Variants in TTC28 observed in about 807,000 individuals in gnomAD.
TTC28 encodes tetratricopeptide repeat protein 28.
TTC28 carries 61 observed loss-of-function variants against 198.0 expected under a neutral mutation model. That is an observed-to-expected ratio of 0.31 (90% CI 0.25 to 0.38). The LOEUF is 0.38. Among genes scored for constraint, TTC28 ranks in the 10% least tolerant of loss-of-function variants. TTC28 has a pLI of 1.00. For missense variants in TTC28, 2,678 were observed against 3,164.0 expected (o/e 0.85, Z 3.69); for synonymous variants, 1,171 against 1,297.8 (o/e 0.90, Z 2.10).
intron 13 of TTC28, among the ~76,000 whole-genome samples, chr22:28,020,055 G>A (rs1938529241): frequency 6.6e-6 from 1 of 152,218 alleles, no homozygotes; most frequent in African/African-American, 2.4e-5. Context: ...AAGCCACCAG[G>A]CTGGTAGGGC....
intron 12 of TTC28, among the ~76,000 whole-genome samples, chr22:28,067,926 C>T (rs1202392315): frequency 6.6e-6 from 1 of 152,174 alleles, no homozygotes; most frequent in Non-Finnish European, 1.5e-5. Flanking sequence ...CTGGAATCTA[C>T]GTGCCTAAGC....
chr22:28,296,271 T>C lies in TTC28; in HGVS notation c.860A>G (p.Lys287Arg), dbSNP rs181453650. The C allele has an allele frequency of 1.2e-5, 18 of 1,551,144 alleles. No homozygotes were observed. The East Asian group carries it at 3.4e-4, about 29-fold the overall frequency. ...AGTGAGAGCCTCCCGGTAATTTCCT[T>C]TGGAGAAGAATGCAGAGCCCAGATT... ...HGNLGSAFFS[K>R]GNYREALTNH... is the part of the protein sequence containing the mutation. The change falls in exon 5 of 23, where the codon AAA (lysine) becomes AGA (arginine). Residue 287 changes from lysine to arginine, a missense_variant. Transcript: ENST00000397906.
At chr22:28,063,651 T>C (rs1196951656) in intron 12 of TTC28, among the ~76,000 whole-genome samples, 1 of 152,166 alleles carries the variant, frequency 6.6e-6, no homozygotes, top group African/African-American at 2.4e-5. Context: ...TAATATGCCA[T>C]GGCATGTATC....
intron 3 of TTC28, among the ~76,000 whole-genome samples, chr22:28,300,784 AGACAGATACATGAAAT>A (rs2045004344): frequency 6.6e-6 from 1 of 152,224 alleles, no homozygotes; most frequent in African/African-American, 2.4e-5. Context: ...GTGCCAGAGA[AGACAGATACATGAAAT>A]GACAGGGATT....
intron 2 of TTC28, among the ~76,000 whole-genome samples, chr22:28,385,083 G>C (rs1258718337): frequency 6.7e-6 from 1 of 149,592 alleles, no homozygotes; most frequent in Non-Finnish European, 1.5e-5. Context: ...AGAGGTTGCA[G>C]TGAGCCGAGA....
chr22:28,642,754 G>C (rs1282865264), intron 1 of TTC28, among the ~76,000 whole-genome samples: 1 of 152,204 alleles, frequency 6.6e-6, no homozygotes, highest in South Asian at 2.1e-4. Flanking sequence ...AAAGGTCAGA[G>C]AGGTAACTGG....
intron 1 of TTC28, among the ~76,000 whole-genome samples, chr22:28,630,346 G>GCA (rs2051153547): frequency 6.6e-6 from 1 of 152,036 alleles, no homozygotes; most frequent in Non-Finnish European, 1.5e-5. Context: ...CAGTGTAGTG[G>GCA]CACAAGTCAC....
intron 6 of TTC28, among the ~76,000 whole-genome samples, chr22:28,160,890 G>A (rs1273027563): frequency 1.3e-5 from 2 of 152,144 alleles, no homozygotes; most frequent in Non-Finnish European, 2.9e-5. Flanking sequence ...GATACAGAAG[G>A]AGCAGCCAGG....
intron 2 of TTC28, among the ~76,000 whole-genome samples, chr22:28,527,327 C>A (rs2049022247): frequency 6.6e-6 from 1 of 152,130 alleles, no homozygotes; most frequent in African/African-American, 2.4e-5. Flanking sequence ...CACAGCCATA[C>A]CGAAATGAAC....
At chr22:28,237,589 C>T (rs1471641649) in intron 5 of TTC28, among the ~76,000 whole-genome samples, 1 of 152,064 alleles carries the variant, frequency 6.6e-6, no homozygotes, top group East Asian at 1.9e-4. Context: ...GTTATAAGCC[C>T]CACAATATAC....
chr22:28,248,795 G>A (rs1490596520), intron 5 of TTC28, among the ~76,000 whole-genome samples: 1 of 152,054 alleles, frequency 6.6e-6, no homozygotes, highest in Non-Finnish European at 1.5e-5. Context: ...TTTCCGTGAG[G>A]GCTTGGTAAT....
chr22:28,019,563 C>T (rs77611555), intron 13 of TTC28, among the ~76,000 whole-genome samples: 10 of 152,226 alleles, frequency 6.6e-5, no homozygotes, highest in African/African-American at 1.4e-4. Flanking sequence ...ATGCTCACAG[C>T]GGCTAACAGG....
chr22:28,086,496 T>C (rs894125893), intron 12 of TTC28, among the ~76,000 whole-genome samples: 6 of 152,110 alleles, frequency 3.9e-5, no homozygotes, highest in Admixed American at 2.6e-4. Context: ...CCATAATCTC[T>C]GGGACACGTT....
At chr22:28,601,777 GACACACACAC>G (rs34208241) in intron 2 of TTC28, among the ~76,000 whole-genome samples, 100 of 141,556 alleles carry the variant, frequency 7.1e-4, no homozygotes, top group South Asian at 3.1e-3. Context: ...GTAAACCCTA[GACACACACAC>G]ACACACACAC....
intron 6 of TTC28, among the ~76,000 whole-genome samples, chr22:28,126,728 T>A (rs1451044618): frequency 1.3e-5 from 2 of 152,228 alleles, no homozygotes; most frequent in African/African-American, 4.8e-5. Context: ...TCCTGAGAAG[T>A]ATGTGTCTTC....
intron 6 of TTC28, among the ~76,000 whole-genome samples, chr22:28,125,621 TAAC>T (rs916557790): frequency 6.6e-6 from 1 of 152,214 alleles, no homozygotes; most frequent in Non-Finnish European, 1.5e-5. Flanking sequence ...CTGTGTAGGC[TAAC>T]AACAAAAGGA....
intron 12 of TTC28, among the ~76,000 whole-genome samples, chr22:28,071,408 A>C (rs1228563839): frequency 6.6e-6 from 1 of 151,178 alleles, no homozygotes; most frequent in African/African-American, 2.4e-5. Flanking sequence ...AGCCATAAAA[A>C]ATGATGAGTT....
chr22:28,199,910 T>C (rs570540988), intron 5 of TTC28, among the ~76,000 whole-genome samples: 1 of 152,222 alleles, frequency 6.6e-6, no homozygotes, highest in Admixed American at 6.5e-5. Context: ...AATCTATCCA[T>C]GTATTTGCTA....
At chr22:28,416,495 AC>A (rs1390184458) in intron 2 of TTC28, among the ~76,000 whole-genome samples, 1 of 152,222 alleles carries the variant, frequency 6.6e-6, no homozygotes, top group Admixed American at 6.5e-5. Flanking sequence ...AGAACTTTAT[AC>A]TTTGCTAGTG....
Sources: allele counts gnomAD v4.1 joint callset (sites outside exome capture counted in the v4.1 genomes callset), GRCh38; gene constraint gnomAD v4.1.1; transcripts MANE v1.5; gene names NCBI Gene and HGNC (gene_info 2026-07-23, HGNC 2026-07-21).